BICRA: variants seen among roughly 807,000 people sequenced by gnomAD.
The protein encoded by BICRA is BRD4 interacting chromatin remodeling complex associated protein.
Under a neutral mutation model 96.9 loss-of-function variants are expected in BICRA, and 31 were observed. That is an observed-to-expected ratio of 0.32 (90% CI 0.24 to 0.43). The LOEUF (loss-of-function observed/expected upper bound fraction) is 0.43, where lower values mean the gene tolerates loss of function less well. Ranked by LOEUF, BICRA falls within the 20% of genes least tolerant of loss-of-function variation. The probability of loss-of-function intolerance (pLI) is 1.00; values close to 1 mark genes in which losing one functional copy is unlikely to be tolerated. For synonymous variants in BICRA, 1,350 were observed against 1,071.8 expected, an observed-to-expected ratio of 1.26 and a Z score of -5.07; for missense variants, 2,283 against 2,190.3, an observed-to-expected ratio of 1.04 and a Z score of -0.84.
At chr19:47,682,446 A>T (rs981478856) in intron 7 of BICRA, among the ~76,000 whole-genome samples, 9 of 152,036 alleles carry the variant, frequency 5.9e-5, no homozygotes, top group African/African-American at 1.7e-4. Flanking sequence ...GATAATTCAC[A>T]TTTCAAACGG....
In BICRA at chr19:47,682,000, G is replaced by T. The variant is rs553083032; in HGVS notation, c.2131G>T (p.Ala711Ser). 1.3e-6 allele frequency: 2 copies of T among 1,570,100 alleles called. No homozygotes were observed. The highest frequency in any genetic ancestry group is 2.7e-5 in the African/African-American group (2 of 73,832). The change falls in exon 7 of 15, where the codon GCA becomes TCA. Residue 711 changes from alanine (A) to serine (S), a missense_variant. Transcript: ENST00000594866. ...GGAGAGGAGCCAGCAGCCCCTCTCC[G>T]CAGAGGGCCCCCACCTCTCCGTGCC... The part of the protein sequence containing the change: ...PQERSQQPLS[A>S]EGPHLSVPAS...
intron 1 of BICRA, among the ~76,000 whole-genome samples, chr19:47,624,146 C>T (rs1287306905): frequency 2.0e-5 from 3 of 152,138 alleles, no homozygotes; most frequent in Admixed American, 6.6e-5. Context: ...CCAACATGCC[C>T]GGCAGATTGT....
intron 8 of BICRA, 33 bp from the exon 9 acceptor site, chr19:47,694,867 T>C: frequency 6.8e-7 from 1 of 1,461,688 alleles, no homozygotes; most frequent in Non-Finnish European, 9.1e-7. Flanking sequence ...TAGCCTATGT[T>C]CCCCACCCCT....
intron 1 of BICRA, among the ~76,000 whole-genome samples, chr19:47,667,073 C>T (rs1028047498): frequency 4.0e-5 from 6 of 149,572 alleles, no homozygotes; most frequent in Non-Finnish European, 8.9e-5. Flanking sequence ...GGCTGGAGTG[C>T]AGTGGCACGA....
intron 7 of BICRA, among the ~76,000 whole-genome samples, chr19:47,686,379 G>GT (rs1408203784): frequency 1.3e-5 from 2 of 151,806 alleles, no homozygotes; most frequent in South Asian, 2.1e-4. Flanking sequence ...TGTTTCCATT[G>GT]TTTTTTCTGG....
rs1212762003 is a variant in BICRA, at chr19:47,703,081, C to T, written c.*666C>T. Reference sequence around the variant, plus strand: ...TGGGGTCTTCCTCTCCCCCGAACCTCTCCCCAGCTAGTCTTCCCTCTGTTC... The same window carrying T: ...TGGGGTCTTCCTCTCCCCCGAACCTTTCCCCAGCTAGTCTTCCCTCTGTTC... On this transcript the variant is annotated 3_prime_UTR_variant, in exon 15 of 15. Transcript: ENST00000594866. The T allele has an allele frequency of 6.6e-6, 1 of 152,640 alleles. No homozygotes were observed. Among genetic ancestry groups the T allele is most frequent in the Non-Finnish European group, 1.5e-5 (1 of 68,060 alleles). The allele number at this position is 152,640 out of a possible 1,614,324, so 9.5% of individuals were successfully genotyped here. A position where few individuals can be genotyped will look rare whatever the true frequency, so the allele number is the denominator to read the frequency against.
rs760540489 is a variant in BICRA, at chr19:47,680,662, C to G, written c.1492C>G (p.Leu498Val). The change falls in exon 6 of 15, where the codon CTG becomes GTG. Residue 498 changes from leucine (L) to valine (V), a missense_variant. Leu to Val is a conservative substitution (Grantham distance 32). Transcript: ENST00000594866. ...ALPANVGGQI[L>V]AAAAPHTGGQ... ...GCCGGCCAACGTGGGCGGGCAGATC[C>G]TGGCGGCCGCTGCCCCCCACACAGG... 6.2e-7 allele frequency: 1 copy of G among 1,606,236 alleles called. No homozygotes were observed. The highest frequency in any genetic ancestry group is 8.5e-7 in the Non-Finnish European group (1 of 1,176,474).
chr19:47,673,058 C>A (rs371807569), intron 2 of BICRA, among the ~76,000 whole-genome samples: 1 of 152,116 alleles, frequency 6.6e-6, no homozygotes, highest in African/African-American at 2.4e-5. Flanking sequence ...CTCCTTCACC[C>A]GTTTATATGT....
intron 1 of BICRA, among the ~76,000 whole-genome samples, chr19:47,661,496 G>C (rs753238133): frequency 1.3e-5 from 2 of 152,040 alleles, no homozygotes; most frequent in Non-Finnish European, 2.9e-5. Context: ...GCTTTCTATG[G>C]TCGTTTACAC....
At chr19:47,636,610 C>G (rs996115769) in intron 1 of BICRA, among the ~76,000 whole-genome samples, 1 of 152,084 alleles carries the variant, frequency 6.6e-6, no homozygotes, top group African/African-American at 2.4e-5. Context: ...CAGGTTCCAG[C>G]GATTCTCCTG....
intron 1 of BICRA, among the ~76,000 whole-genome samples, chr19:47,645,350 G>A (rs1271467550): frequency 6.6e-6 from 1 of 152,166 alleles, no homozygotes; most frequent in African/African-American, 2.4e-5. Flanking sequence ...ACGCATCGCT[G>A]GTTGGAATTT....
At chr19:47,613,135 A>G (rs2123501898) in intron 1 of BICRA, among the ~76,000 whole-genome samples, 1 of 151,904 alleles carries the variant, frequency 6.6e-6, no homozygotes, top group African/African-American at 2.4e-5. Flanking sequence ...ACCTTCCTTC[A>G]GGAGGTGGGG....
chr19:47,695,345 C>CG lies in BICRA; in HGVS notation c.3077-20_3077-19insG. 4 of 507,364 alleles carry CG rather than the reference C, an allele frequency of 7.9e-6. No individual in the cohort carries two copies. Among genetic ancestry groups the CG allele is most frequent in the South Asian group, 2.1e-5 (1 of 48,352 alleles). The allele number at this position is 507,364 out of a possible 1,614,324, so 31.4% of individuals were successfully genotyped here. ...TGCAGTGACCGCAGGCCCTGTCTCC[C>CG]CCACCCCACCCACCCCCAGGCCTCC... On this transcript the variant is annotated intron_variant, in intron 9 of 14. Coordinates refer to ENST00000594866, the MANE Select transcript of BICRA (RefSeq NM_001394372.1).
intron 7 of BICRA, among the ~76,000 whole-genome samples, chr19:47,692,964 C>G (rs1243606113): frequency 6.6e-6 from 1 of 152,218 alleles, no homozygotes; most frequent in African/African-American, 2.4e-5. Flanking sequence ...CCGCCTTCAC[C>G]AGCCTGGAGA....
chr19:47,702,844 G>T lies in BICRA; in HGVS notation c.*429G>T. 5.2e-6 allele frequency: 1 copy of T among 193,680 alleles called. No homozygotes were observed. 12.0% of individuals were successfully genotyped at this position (193,680 alleles called of 1,614,324 possible). A position where few individuals can be genotyped will look rare whatever the true frequency, so the allele number is the denominator to read the frequency against. ...GGAGCTGGCAGGGTCCTTCCAGACA[G>T]TCTCAGCCTCTCCCCGCCGCCCCCA... On this transcript the variant is annotated 3_prime_UTR_variant, in exon 15 of 15. Coordinates refer to ENST00000594866, the MANE Select transcript of BICRA (RefSeq NM_001394372.1).
At chr19:47,609,320 C>A (rs1185260696) in intron 1 of BICRA, among the ~76,000 whole-genome samples, 152 bp downstream of exon 1, 2 of 149,566 alleles carry the variant, frequency 1.3e-5, no homozygotes, top group Non-Finnish European at 3.0e-5. Context: ...GCCGAACCCA[C>A]CCCCGCGACA....
chr19:47,685,788 C>CGTGTGT (rs1251477574), intron 7 of BICRA, among the ~76,000 whole-genome samples: 10 of 80,432 alleles, frequency 1.2e-4, no homozygotes, highest in African/African-American at 4.2e-4. Context: ...TGTGTGTGTG[C>CGTGTGT]GCGCGCGCGC....
intron 1 of BICRA, among the ~76,000 whole-genome samples, chr19:47,609,643 C>G (rs1971867036): frequency 6.6e-6 from 1 of 151,770 alleles, no homozygotes; most frequent in Non-Finnish European, 1.5e-5. Flanking sequence ...CCCCTCGCCC[C>G]GCTCCCCGCC....
chr19:47,612,777 C>T (rs959098156), intron 1 of BICRA, among the ~76,000 whole-genome samples: 17 of 152,072 alleles, frequency 1.1e-4, no homozygotes, highest in South Asian at 2.1e-4. Flanking sequence ...CCAAGCCAGA[C>T]GGCAGAGACT....
Sources: allele counts gnomAD v4.1 joint callset (sites outside exome capture counted in the v4.1 genomes callset), GRCh38; gene constraint gnomAD v4.1.1; transcripts MANE v1.5; gene names NCBI Gene and HGNC (gene_info 2026-07-23, HGNC 2026-07-21).